The following NUDT3 variants were observed in gnomAD, a reference collection of about 807,000 sequenced individuals.
NUDT3 encodes the protein nudix hydrolase 3, also known as diphosphoinositol polyphosphate phosphohydrolase 1.
Under a neutral mutation model 23.6 loss-of-function variants are expected in NUDT3, and 9 were observed. That is an observed-to-expected ratio of 0.38 (90% CI 0.23 to 0.66). The LOEUF is 0.66. Among genes scored for constraint, NUDT3 ranks in the 30% least tolerant of loss-of-function variants. The pLI, the probability that NUDT3 is intolerant of heterozygous loss-of-function variation, is 0.52. For missense variants in NUDT3, 172 were observed against 218.5 expected (o/e 0.79, Z 1.34); for synonymous variants, 86 against 82.6 (o/e 1.04, Z -0.22).
intron 2 of NUDT3, among the ~76,000 whole-genome samples, chr6:34,316,110 C>A (rs183574527): frequency 1.1e-4 from 17 of 152,222 alleles, no homozygotes; most frequent in African/African-American, 4.1e-4. Flanking sequence ...GCAATCCTCC[C>A]ACCTCAGTCT....
rs117891222 is a variant in NUDT3, at chr6:34,387,166, T to C, written c.99+5098A>G. Among the ~76,000 whole-genome samples the C allele has an allele frequency of 9.2e-3, 1,401 of 152,352 alleles. 15 individuals carry two copies. Among genetic ancestry groups the C allele is most frequent in the Middle Eastern group, 0.024 (7 of 294 alleles). ...ATTATGTGCAGTACATAATACTTGA[T>C]AGTAAATGACTATTACTGGTTTCTG... On this transcript the variant is annotated intron_variant, in intron 1 of 4. Coordinates refer to ENST00000607016, the MANE Select transcript of NUDT3 (RefSeq NM_006703.4).
At chr6:34,306,045 G>T (rs1390922328) in intron 2 of NUDT3, among the ~76,000 whole-genome samples, 2 of 152,010 alleles carry the variant, frequency 1.3e-5, no homozygotes, top group African/African-American at 4.8e-5. Context: ...TCTTGTTAAT[G>T]GTGTTATTTA....
At chr6:34,306,235 C>T (rs1763676991) in intron 2 of NUDT3, among the ~76,000 whole-genome samples, 1 of 152,174 alleles carries the variant, frequency 6.6e-6, no homozygotes, top group Admixed American at 6.6e-5. Context: ...ACTAGGTGTA[C>T]ATTAAGTTCA....
rs564406443 is a variant in NUDT3, at chr6:34,357,019, C to T, written c.100-15047G>A. On this transcript the variant is annotated intron_variant, in intron 1 of 4. Transcript: ENST00000607016. ...GTCTCGATCTCCTGACCTCGTGATC[C>T]GCCTGCCTCGGCCTCCCAAAGTGCT... is the stretch of plus-strand genomic sequence containing the variant. 3.3e-3 allele frequency among the ~76,000 whole-genome samples: 503 copies of T among 152,190 alleles called. 4 individuals carry two copies. Among genetic ancestry groups the T allele is most frequent in the Middle Eastern group, 0.027 (8 of 294 alleles).
chr6:34,302,528 T>C (rs1023327648), intron 2 of NUDT3, among the ~76,000 whole-genome samples: 6 of 151,618 alleles, frequency 4.0e-5, no homozygotes. Flanking sequence ...AGCTCAGGAG[T>C]TTCAGACCAG....
At chr6:34,351,741 CAAAAA>C (rs1017090378) in intron 1 of NUDT3, among the ~76,000 whole-genome samples, 1 of 54,338 alleles carries the variant, frequency 1.8e-5, no homozygotes, top group South Asian at 6.7e-4. Context: ...AACTCTGTCT[CAAAAA>C]AAAAAAAAAA....
At chr6:34,320,344 A>G (rs1262036961) in intron 2 of NUDT3, among the ~76,000 whole-genome samples, 1 of 151,942 alleles carries the variant, frequency 6.6e-6, no homozygotes, top group African/African-American at 2.4e-5. Context: ...CTCCTGCTTC[A>G]GGCTCCCAAG....
intron 1 of NUDT3, among the ~76,000 whole-genome samples, chr6:34,352,115 A>T (rs942162860): frequency 3.9e-5 from 6 of 152,198 alleles, no homozygotes; most frequent in Non-Finnish European, 7.3e-5. Context: ...CTGAAAGCCA[A>T]ATAAAGTGAA....
In NUDT3 at chr6:34,355,015, T is replaced by G. The variant is rs1301321294; in HGVS notation, c.100-13043A>C. ...CTTCCCCTCTAATTTATATTTCTTT[T>G]ATTTCTCATTCATGCCTTACTGAAC... is the stretch of plus-strand genomic sequence containing the variant. On this transcript the variant is annotated intron_variant, in intron 1 of 4. Transcript: ENST00000607016. Among the ~76,000 whole-genome samples, 3 of 152,018 alleles carry G rather than the reference T, an allele frequency of 2.0e-5. No homozygotes were observed. In the East Asian group the frequency reaches 5.8e-4, roughly 29 times the overall value.
chr6:34,344,658 C>CT (rs1022169419), intron 1 of NUDT3, among the ~76,000 whole-genome samples: 38 of 147,766 alleles, frequency 2.6e-4, no homozygotes, highest in East Asian at 3.9e-4. Flanking sequence ...ATGAATTGTT[C>CT]TTTTTTTTTT....
intron 1 of NUDT3, among the ~76,000 whole-genome samples, chr6:34,379,135 T>C (rs1470518533): frequency 6.6e-6 from 1 of 152,250 alleles, no homozygotes; most frequent in Non-Finnish European, 1.5e-5. Context: ...TATAGACTCA[T>C]GGAAAATAGA....
chr6:34,296,935 CTTT>C (rs566118949), intron 2 of NUDT3, among the ~76,000 whole-genome samples: 1 of 134,688 alleles, frequency 7.4e-6, no homozygotes, highest in Non-Finnish European at 1.6e-5. Context: ...GTGGTTAGAC[CTTT>C]TTTTTTTTTT....
chr6:34,349,451 G>A (rs1764433271), intron 1 of NUDT3, among the ~76,000 whole-genome samples: 1 of 150,636 alleles, frequency 6.6e-6, no homozygotes, highest in Admixed American at 6.6e-5. Flanking sequence ...ACAGGGAGGA[G>A]TTGTGAAATC....
chr6:34,293,314 G>T, intron 4 of NUDT3, 137 bp downstream of exon 4: 1 of 958,018 alleles, frequency 1.0e-6, no homozygotes, highest in Non-Finnish European at 1.6e-6. Context: ...CTCCTGTGTT[G>T]GCCTTCCAAA....
chr6:34,343,598 G>C (rs1462876249), intron 1 of NUDT3, among the ~76,000 whole-genome samples: 1 of 151,364 alleles, frequency 6.6e-6, no homozygotes, highest in Non-Finnish European at 1.5e-5. Context: ...AATCAAAATG[G>C]ACCAACAACC....
intron 1 of NUDT3, among the ~76,000 whole-genome samples, chr6:34,390,538 A>AT (rs941245819): frequency 8.6e-5 from 13 of 150,800 alleles, no homozygotes; most frequent in Admixed American, 4.6e-4. Flanking sequence ...TATTATTATT[A>AT]TTTTTTTTTA....
intron 2 of NUDT3, among the ~76,000 whole-genome samples, chr6:34,306,356 G>A (rs1763678147): frequency 6.6e-6 from 1 of 152,222 alleles, no homozygotes; most frequent in Non-Finnish European, 1.5e-5. Context: ...CTGTTAAGTG[G>A]CAACAAGGCC....
At chr6:34,365,437 T>A (rs546123480) in intron 1 of NUDT3, among the ~76,000 whole-genome samples, 13 of 151,812 alleles carry the variant, frequency 8.6e-5, no homozygotes, top group Admixed American at 2.6e-4. Flanking sequence ...CAAAAATAAA[T>A]AAAATAAATA....
intron 1 of NUDT3, among the ~76,000 whole-genome samples, chr6:34,386,942 T>C (rs1424474506): frequency 6.6e-6 from 1 of 152,064 alleles, no homozygotes; most frequent in Non-Finnish European, 1.5e-5. Flanking sequence ...GCCGAAACCC[T>C]ATCTCTACAA....
Sources: allele counts gnomAD v4.1 joint callset (sites outside exome capture counted in the v4.1 genomes callset), GRCh38; gene constraint gnomAD v4.1.1; transcripts MANE v1.5; gene names NCBI Gene and HGNC (gene_info 2026-07-23, HGNC 2026-07-21).